The following DHX57 variants were observed in gnomAD, a reference collection of about 807,000 sequenced individuals.
DHX57 encodes the protein DExH-box helicase 57.
A neutral mutation model predicts 156.2 loss-of-function variants in DHX57; 105 were observed. That is an observed-to-expected ratio of 0.67 (90% CI 0.57 to 0.79). The LOEUF (loss-of-function observed/expected upper bound fraction) is 0.79. DHX57 is among the 30% of genes least tolerant of loss of function. DHX57 has a pLI of 0.00. For missense variants in DHX57, 1,847 were observed against 1,661.9 expected, an observed-to-expected ratio of 1.11 and a Z score of -1.94; for synonymous variants, 704 against 595.6, an observed-to-expected ratio of 1.18 and a Z score of -2.65.
intron 1 of DHX57, among the ~76,000 whole-genome samples, chr2:38,873,494 C>A (rs1446866115): frequency 1.3e-5 from 2 of 152,168 alleles, no homozygotes; most frequent in African/African-American, 2.4e-5. Flanking sequence ...TTTGTCTCTC[C>A]TTTCTACTCC....
At chr2:38,814,326 TTCTA>T (rs1340403414) in intron 20 of DHX57, among the ~76,000 whole-genome samples, 1 of 152,174 alleles carries the variant, frequency 6.6e-6, no homozygotes, top group Non-Finnish European at 1.5e-5. Context: ...AGCACCTAAT[TTCTA>T]TCTCTTTGCT....
chr2:38,829,428 C>T (rs1041371250), intron 13 of DHX57, among the ~76,000 whole-genome samples: 3 of 151,800 alleles, frequency 2.0e-5, no homozygotes, highest in Non-Finnish European at 2.9e-5. Context: ...ATTACAGGCA[C>T]ACGCCAGCTA....
chr2:38,852,605 ATT>A (rs542654940), intron 9 of DHX57, among the ~76,000 whole-genome samples: 35 of 130,936 alleles, frequency 2.7e-4, no homozygotes, highest in Admixed American at 3.9e-4. Flanking sequence ...CAGACTTTTA[ATT>A]TTTTTTTTTT....
At position 38,862,181 on chromosome 2, in the gene DHX57, A is replaced by C; in HGVS notation, c.536T>G (p.Phe179Cys). The C allele has an allele frequency of 6.2e-7, 1 of 1,611,232 alleles. No individual in the cohort carries two copies. Among genetic ancestry groups the C allele is most frequent in the Non-Finnish European group, 8.5e-7 (1 of 1,178,758 alleles). Residue 179 changes from phenylalanine (F) to cysteine (C), a missense_variant, in exon 4 of 24, where the codon TTT (phenylalanine) becomes TGT (cysteine). Physicochemically the swap from Phe to Cys is radical, Grantham distance 205 (BLOSUM62 -2). Coordinates refer to ENST00000457308, the MANE Select transcript of DHX57 (RefSeq NM_198963.3). ...LASVEPYVPE[F>C]TVSPFAVQKL... is the part of the protein sequence containing the mutation. The stretch of plus-strand genomic sequence containing the variant: ...TTGCACTGCAAATGGGGAGACTGTA[A>C]ATTCTGGAACATAAGGCTCCACTGA...
In DHX57 at chr2:38,823,016, T is replaced by A; in HGVS notation, c.3268A>T (p.Ser1090Cys). ...CLDPALTIAA[S>C]LAFKSPFVSP... ...ACAAACGGAGACTTAAAAGCCAAAC[T>A]GGCAGCAATGGTGAGAGCAGGATCC... Residue 1090 changes from serine (S) to cysteine (C), a missense_variant, in exon 17 of 24, where the codon AGT becomes TGT. Ser to Cys is a moderately radical substitution (Grantham distance 112). Coordinates refer to ENST00000457308, the MANE Select transcript of DHX57 (RefSeq NM_198963.3). The A allele has an allele frequency of 6.2e-7, 1 of 1,614,054 alleles. No homozygotes were observed. Among genetic ancestry groups the A allele is most frequent in the South Asian group, 1.1e-5 (1 of 91,082 alleles).
At chr2:38,843,933 AAAGT>A (rs1469236625) in intron 11 of DHX57, among the ~76,000 whole-genome samples, 1 of 152,206 alleles carries the variant, frequency 6.6e-6, no homozygotes, top group Non-Finnish European at 1.5e-5. Context: ...GAATGGGAGC[AAAGT>A]AAGTAACTGG....
In DHX57 at chr2:38,826,707, C is replaced by T; in HGVS notation, c.2640-18G>A. The T allele has an allele frequency of 3.7e-6, 6 of 1,612,014 alleles. No homozygotes were observed. The highest frequency in any genetic ancestry group is 4.2e-6 in the Non-Finnish European group (5 of 1,178,650). On this transcript the variant is annotated intron_variant, in intron 14 of 23. Coordinates refer to ENST00000457308, the MANE Select transcript of DHX57 (RefSeq NM_198963.3). ...TAACACATCTGGAAGGAAATAAAAG[C>T]ACATGAAGTATTCTAGCACCTAGCA... is the stretch of plus-strand genomic sequence containing the variant.
At chr2:38,874,508 C>T (rs1307388455) in intron 1 of DHX57, among the ~76,000 whole-genome samples, 2 of 149,916 alleles carry the variant, frequency 1.3e-5, no homozygotes, top group African/African-American at 4.9e-5. Flanking sequence ...CTCCCGGGTT[C>T]ACGCCATTCT....
chr2:38,829,971 T>C (rs1163120064), intron 13 of DHX57, among the ~76,000 whole-genome samples: 1 of 152,212 alleles, frequency 6.6e-6, no homozygotes, highest in Non-Finnish European at 1.5e-5. Context: ...GATTATAGTA[T>C]ATTTCTGCGT....
In DHX57 at chr2:38,861,106, G is replaced by C; in HGVS notation, c.1304C>G (p.Pro435Arg). 1.9e-6 allele frequency: 3 copies of C among 1,614,202 alleles called. No individual in the cohort carries two copies. Among genetic ancestry groups the C allele is most frequent in the African/African-American group, 1.3e-5 (1 of 75,058 alleles). The change falls in exon 5 of 24, where the codon CCT becomes CGT. Residue 435 changes from proline (P) to arginine (R), a missense_variant. Coordinates refer to ENST00000457308, the MANE Select transcript of DHX57 (RefSeq NM_198963.3). ...LTNTHHKYSD[P>R]PVNFLPVPSR... is the part of the protein sequence containing the mutation. ...GGGTACTGGCAGAAAGTTCACAGGAGGGTCACTATACTTGTGGTGGGTATT... is the reference window on the plus strand; with the variant it reads ...GGGTACTGGCAGAAAGTTCACAGGACGGTCACTATACTTGTGGTGGGTATT...
rs1363833380 is a variant in DHX57, at chr2:38,837,923, G to A, written c.2450C>T (p.Thr817Ile). ...CTTTTCAAAATCCATGATGGACATT[G>A]TTTTGATGACTGACTTGCTAACCCC... The part of the protein sequence containing the change: ...YKGVSKSVIK[T>I]MSIMDFEKVN... Residue 817 changes from threonine (T) to isoleucine (I), a missense_variant, in exon 13 of 24, where the codon ACA becomes ATA. Physicochemically the swap from Thr to Ile is moderately conservative, Grantham distance 89. Transcript: ENST00000457308. 6.2e-7 allele frequency: 1 copy of A among 1,612,730 alleles called. No homozygotes were observed. The highest frequency in any genetic ancestry group is 8.5e-7 in the Non-Finnish European group (1 of 1,178,816).
intron 1 of DHX57, among the ~76,000 whole-genome samples, chr2:38,869,017 G>A (rs549807026): frequency 6.6e-6 from 1 of 152,264 alleles, no homozygotes; most frequent in South Asian, 2.1e-4. Context: ...GGCCAGGCTG[G>A]TCTCGAACTC....
At chr2:38,801,021 A>G (rs1201022163) in intron 23 of DHX57, among the ~76,000 whole-genome samples, 1 of 152,206 alleles carries the variant, frequency 6.6e-6, no homozygotes, top group Non-Finnish European at 1.5e-5. Flanking sequence ...GTTAAATAAA[A>G]TATATTAAGA....
chr2:38,854,034 T>C lies in DHX57; in HGVS notation c.2030+20A>G. The C allele has an allele frequency of 6.3e-7, 1 of 1,592,952 alleles. No individual in the cohort carries two copies. On this transcript the variant is annotated intron_variant, in intron 9 of 23. Coordinates refer to ENST00000457308, the MANE Select transcript of DHX57 (RefSeq NM_198963.3). ...TCAATTCAGGTGAGTGTGTGTTCCCTGGGAAAGTCTTTGTTTTACCTTTCT... is the reference window on the plus strand; with the variant it reads ...TCAATTCAGGTGAGTGTGTGTTCCCCGGGAAAGTCTTTGTTTTACCTTTCT...
chr2:38,846,855 C>CT lies in DHX57; in HGVS notation c.2219+163dup, dbSNP rs999170295. Among the ~76,000 whole-genome samples the CT allele has an allele frequency of 8.9e-3, 1,320 of 147,712 alleles. 10 individuals carry two copies. Among genetic ancestry groups the CT allele is most frequent in the Admixed American group, 0.015 (224 of 14,774 alleles). On this transcript the variant is annotated intron_variant, in intron 11 of 23. Coordinates refer to ENST00000457308, the MANE Select transcript of DHX57 (RefSeq NM_198963.3). ...TTCTGTTTTCAAAGTTTCACTGAAT[C>CT]TTTTTTTTTTTCTCAATAGATGGGG...
At chr2:38,856,814 G>T (rs912185176) in intron 6 of DHX57, 6 of 168,134 alleles carry the variant, frequency 3.6e-5, no homozygotes, top group Non-Finnish European at 6.3e-5. Context: ...ACAGAGTCTT[G>T]TTATGTTGCC....
chr2:38,847,053 G>T lies in DHX57; in HGVS notation c.2185C>A (p.Gln729Lys), dbSNP rs780154525. The T allele has an allele frequency of 1.2e-6, 2 of 1,613,224 alleles. No homozygotes were observed. Among genetic ancestry groups the T allele is most frequent in the African/African-American group, 1.3e-5 (1 of 74,822 alleles). The change falls in exon 11 of 24, where the codon CAA becomes AAA. Residue 729 changes from glutamine to lysine, a missense_variant. Gln to Lys is a moderately conservative substitution (Grantham distance 53). Transcript: ENST00000457308. ...TIPGRTFPVDQFFLEDAIAVT... is the reference protein window; with the variant it reads ...TIPGRTFPVDKFFLEDAIAVT... ...GCAATTGCATCTTCCAAAAAAAATT[G>T]ATCAACAGGAAATGTACGACCTAGA...
intron 1 of DHX57, among the ~76,000 whole-genome samples, chr2:38,870,649 G>T (rs1159535486): frequency 6.6e-6 from 1 of 152,202 alleles, no homozygotes; most frequent in African/African-American, 2.4e-5. Context: ...GGAGGCCAAG[G>T]CGGGCAGATC....
In DHX57 at chr2:38,818,960, C is replaced by T. The variant is rs1461526563; in HGVS notation, c.3388G>A (p.Gly1130Arg). ...CCTTCTTTTGTACTTAGCTGCCATC[C>T]CTAAATTTTGGAGAAAATCAAACTG... ...DYLALLQAYK[G>R]WQLSTKEGVR... Residue 1130 changes from glycine to arginine, a missense_variant and splice_region_variant, in exon 19 of 24, where the codon GGA becomes AGA. Transcript: ENST00000457308. 1.9e-6 allele frequency: 3 copies of T among 1,614,144 alleles called. No homozygotes were observed. The Middle Eastern group carries it at 4.9e-4, about 266-fold the overall frequency.
Sources: gnomAD v4.1 joint callset for allele counts (sites outside exome capture counted in the v4.1 genomes callset) on GRCh38, gnomAD v4.1.1 for gene constraint, MANE v1.5 for transcripts, NCBI Gene and HGNC (gene_info 2026-07-23, HGNC 2026-07-21) for gene names.